ITGBL1: variants seen among roughly 807,000 people sequenced by gnomAD.
ITGBL1 encodes the protein integrin subunit beta like 1.
ITGBL1 carries 51 observed loss-of-function variants against 68.5 expected under a neutral mutation model. The observed-to-expected ratio is 0.74, with a 90% CI of 0.59 to 0.94. The LOEUF (loss-of-function observed/expected upper bound fraction) is 0.94. ITGBL1 is among the 40% of genes least tolerant of loss of function. The pLI, the probability that ITGBL1 is intolerant of heterozygous loss-of-function variation, is 0.00. For missense variants in ITGBL1, 649 were observed against 647.4 expected (o/e 1.00, Z -0.03); for synonymous variants, 209 against 227.3 (o/e 0.92, Z 0.72).
chr13:101,551,418 G>A (rs2049918439), intron 2 of ITGBL1, among the ~76,000 whole-genome samples: 2 of 152,088 alleles, frequency 1.3e-5, no homozygotes, highest in African/African-American at 2.4e-5. Context: ...AGAGGAATTC[G>A]GGACCCAAAG....
intron 2 of ITGBL1, among the ~76,000 whole-genome samples, chr13:101,519,516 T>TCTGC (rs966505097): frequency 2.6e-5 from 4 of 152,068 alleles, no homozygotes; most frequent in Admixed American, 6.6e-5. Context: ...TTCCTGCCTG[T>TCTGC]CTGCCTGCCT....
chr13:101,525,908 A>C (rs2049368833), intron 2 of ITGBL1, among the ~76,000 whole-genome samples: 1 of 151,616 alleles, frequency 6.6e-6, no homozygotes, highest in Non-Finnish European at 1.5e-5. Flanking sequence ...TCTTCTCTCT[A>C]TTTTTCCAAA....
intron 7 of ITGBL1, among the ~76,000 whole-genome samples, chr13:101,619,025 C>T (rs1434797203): frequency 1.3e-5 from 2 of 151,910 alleles, no homozygotes; most frequent in Non-Finnish European, 2.9e-5. Flanking sequence ...TTTAAGGAGT[C>T]CTTCTGAGCA....
chr13:101,521,284 G>A (rs551574835), intron 2 of ITGBL1, among the ~76,000 whole-genome samples: 3 of 152,258 alleles, frequency 2.0e-5, no homozygotes, highest in Admixed American at 6.5e-5. Flanking sequence ...TACAACTGAC[G>A]AAAATCTCTG....
intron 6 of ITGBL1, among the ~76,000 whole-genome samples, chr13:101,592,964 A>G (rs1359119146): frequency 6.6e-6 from 1 of 152,146 alleles, no homozygotes; most frequent in East Asian, 1.9e-4. Flanking sequence ...GAAGCAACTA[A>G]AAGAATGACA....
rs1188397002 is a variant in ITGBL1, at chr13:101,695,287, G to T, written c.1132+2586G>T. ...GGCCAAGTAGGGGAAGTGGGGTACA[G>T]TCAGAGAGCAGCTTGTGCTCAGTTG... On this transcript the variant is annotated intron_variant, in intron 8 of 10. Coordinates refer to ENST00000376180, the MANE Select transcript of ITGBL1 (RefSeq NM_004791.3). 7.2e-5 allele frequency among the ~76,000 whole-genome samples: 11 copies of T among 152,174 alleles called. No homozygotes were observed. In the East Asian group the frequency reaches 2.1e-3, roughly 29 times the overall value.
chr13:101,654,694 C>T (rs573568974), intron 7 of ITGBL1, among the ~76,000 whole-genome samples: 176 of 152,154 alleles, frequency 1.2e-3, no homozygotes, highest in African/African-American at 3.5e-3. Flanking sequence ...TCAATACACA[C>T]GTCTGAAAGT....
intron 2 of ITGBL1, among the ~76,000 whole-genome samples, chr13:101,536,834 T>A (rs371046414): frequency 3.9e-5 from 6 of 152,134 alleles, no homozygotes; most frequent in Admixed American, 3.3e-4. Context: ...ATATTAATAA[T>A]TATTTCCAGA....
chr13:101,677,916 T>C (rs1199263615), intron 7 of ITGBL1, among the ~76,000 whole-genome samples: 8 of 152,190 alleles, frequency 5.3e-5, no homozygotes, highest in Non-Finnish European at 1.2e-4. Context: ...ATCCCGAATA[T>C]GATGCTAAAA....
intron 8 of ITGBL1, among the ~76,000 whole-genome samples, chr13:101,705,601 C>A (rs1235491921): frequency 6.6e-6 from 1 of 151,784 alleles, no homozygotes; most frequent in African/African-American, 2.4e-5. Context: ...TAAAGAAATT[C>A]CTATCACTCC....
intron 2 of ITGBL1, among the ~76,000 whole-genome samples, chr13:101,505,690 C>T (rs774446415): frequency 6.6e-6 from 1 of 152,202 alleles, no homozygotes; most frequent in African/African-American, 2.4e-5. Flanking sequence ...TTTCTACCCT[C>T]CTTGCCAGCC....
chr13:101,471,820 C>A (rs545713449), intron 2 of ITGBL1, among the ~76,000 whole-genome samples: 124 of 152,236 alleles, frequency 8.1e-4, no homozygotes, highest in African/African-American at 2.9e-3. Flanking sequence ...AGCCACAGGC[C>A]CAAGCCAGAT....
intron 7 of ITGBL1, 117 bp from the exon 8 acceptor site, chr13:101,692,468 A>C: frequency 1.4e-6 from 1 of 698,004 alleles, no homozygotes; most frequent in Non-Finnish European, 2.6e-6. Flanking sequence ...AACTATTATC[A>C]GGCACAGACT....
At chr13:101,584,508 G>T (rs1339529763) in intron 6 of ITGBL1, among the ~76,000 whole-genome samples, 1 of 152,116 alleles carries the variant, frequency 6.6e-6, no homozygotes, top group Non-Finnish European at 1.5e-5. Flanking sequence ...AGCAAAGGGA[G>T]ATAAAAGAAC....
chr13:101,513,964 G>A (rs4389006), intron 2 of ITGBL1, among the ~76,000 whole-genome samples: 116,591 of 151,912 alleles, frequency 0.77, 45,019 homozygotes, highest in African/African-American at 0.86. Flanking sequence ...TTTATATAGT[G>A]TTTGTTTATT....
At chr13:101,474,869 T>C (rs1466121653) in intron 2 of ITGBL1, among the ~76,000 whole-genome samples, 1 of 152,236 alleles carries the variant, frequency 6.6e-6, no homozygotes, top group Non-Finnish European at 1.5e-5. Context: ...TTACTGGGCT[T>C]GGGGTGCCCC....
chr13:101,672,144 T>C (rs2033394955), intron 7 of ITGBL1, among the ~76,000 whole-genome samples: 1 of 152,258 alleles, frequency 6.6e-6, no homozygotes, highest in African/African-American at 2.4e-5. Flanking sequence ...ATTCTCATTA[T>C]CTTTAGTAAA....
intron 2 of ITGBL1, among the ~76,000 whole-genome samples, chr13:101,463,101 A>G (rs1261198732): frequency 1.3e-5 from 2 of 152,188 alleles, no homozygotes; most frequent in African/African-American, 4.8e-5. Flanking sequence ...TGCCAAACAC[A>G]TATGAGTGAT....
intron 3 of ITGBL1, among the ~76,000 whole-genome samples, chr13:101,569,025 AACACACACACACACACAC>A (rs112814235): frequency 2.2e-4 from 23 of 103,728 alleles, no homozygotes; most frequent in East Asian, 6.7e-4. Flanking sequence ...CACCCCTCCA[AACACACACACACACACAC>A]ACACACACAC....
Sources: allele counts gnomAD v4.1 joint callset (sites outside exome capture counted in the v4.1 genomes callset), GRCh38; gene constraint gnomAD v4.1.1; transcripts MANE v1.5; gene names NCBI Gene and HGNC (gene_info 2026-07-23, HGNC 2026-07-21).